Variants in ZFR2 observed in about 807,000 individuals in gnomAD.
ZFR2 encodes the protein zinc finger RNA binding protein 2.
Under a neutral mutation model 105.7 loss-of-function variants are expected in ZFR2, and 104 were observed. That is an observed-to-expected ratio of 0.98 (90% confidence interval 0.84 to 1.16). The LOEUF is 1.16. ZFR2 is among the 50% of genes most tolerant of loss of function. The pLI is 0.00. For synonymous variants in ZFR2, 634 were observed against 597.7 expected (o/e 1.06, Z -0.89); for missense variants, 1,425 against 1,355.5 (o/e 1.05, Z -0.80).
intron 11 of ZFR2, among the ~76,000 whole-genome samples, chr19:3,819,851 T>TAAAAAGAAAAAAAA (rs1568420236): frequency 1.7e-5 from 1 of 58,170 alleles, no homozygotes; most frequent in Non-Finnish European, 3.8e-5. Flanking sequence ...AGACTCTGTC[T>TAAAAAGAAAAAAAA]CAAAAAAAAA....
At chr19:3,832,836 A>T (rs1477751860) in intron 3 of ZFR2, among the ~76,000 whole-genome samples, 1 of 151,014 alleles carries the variant, frequency 6.6e-6, no homozygotes, top group Non-Finnish European at 1.5e-5. Context: ...CGGGGGTCTT[A>T]CTATGTTGCC....
intron 14 of ZFR2, among the ~76,000 whole-genome samples, chr19:3,812,157 T>C (rs1432144880): frequency 6.6e-6 from 1 of 152,098 alleles, no homozygotes; most frequent in Non-Finnish European, 1.5e-5. Flanking sequence ...TTGGCCAGGC[T>C]GATCTCGAAC....
chr19:3,858,466 A>G lies in ZFR2; in HGVS notation c.53+10499T>C, dbSNP rs1430739347. 6.6e-6 allele frequency among the ~76,000 whole-genome samples: 1 copy of G among 152,256 alleles called. No individual in the cohort carries two copies. ...CATTTAGAGTCCAAGGAAAAACTCAAGTGGAAATAAAGATTTTCCTGGAAT... is the reference window on the plus strand; with the variant it reads ...CATTTAGAGTCCAAGGAAAAACTCAGGTGGAAATAAAGATTTTCCTGGAAT... On this transcript the variant is annotated intron_variant, in intron 1 of 18. Coordinates refer to ENST00000262961, the MANE Select transcript of ZFR2 (RefSeq NM_015174.2). This position sits in a 1 kb window ranked among gnomAD's most constrained non-coding sequence, Gnocchi z 4.3.
At chr19:3,807,098 TCGGGGAACACTGCACAGCTGCAAGCC>T in intron 18 of ZFR2, 48 bp downstream of exon 18, 2 of 1,168,658 alleles carry the variant, frequency 1.7e-6, no homozygotes, top group Non-Finnish European at 2.4e-6. Flanking sequence ...CCAGGCCATT[TCGGGGAACACTGCACAGCTGCAAGCC>T]GGAGCTGGGG....
At chr19:3,809,668 G>A (rs747734956) in intron 16 of ZFR2, among the ~76,000 whole-genome samples, 10 of 152,216 alleles carry the variant, frequency 6.6e-5, no homozygotes, top group Non-Finnish European at 1.5e-4. Context: ...GAAAGGTCCG[G>A]CGCGGTGGCT....
intron 15 of ZFR2, 96 bp downstream of exon 15, chr19:3,811,176 C>A: frequency 2.4e-6 from 3 of 1,247,710 alleles, no homozygotes; most frequent in Non-Finnish European, 3.2e-6. Flanking sequence ...TGGGAGCCCA[C>A]GGGGCTGAGG....
chr19:3,839,880 C>T (rs57595172), intron 1 of ZFR2, among the ~76,000 whole-genome samples: 10,337 of 152,112 alleles, frequency 0.068, 487 homozygotes, highest in South Asian at 0.15. Flanking sequence ...AGACGGGGCT[C>T]GCTTTGTTGC....
rs59488917 is a variant in ZFR2, at chr19:3,808,823, C to T, written c.2545+49G>A. ...CTGTGCCATGGCCACGGGCCCTGGTCTCTGCGATTTGCCGCCCACCTCCTG... is the reference window on the plus strand; with the variant it reads ...CTGTGCCATGGCCACGGGCCCTGGTTTCTGCGATTTGCCGCCCACCTCCTG... On this transcript the variant is annotated intron_variant, in intron 17 of 18. Transcript: ENST00000262961. The T allele has an allele frequency of 2.7e-3, 3,938 of 1,465,284 alleles. 92 individuals carry two copies. The African/African-American group carries it at 0.048, about 18-fold the overall frequency. 90.8% of individuals were successfully genotyped at this position (1,465,284 alleles called of 1,614,324 possible).
rs554807405 is a variant in ZFR2, at chr19:3,830,117, T to C, written c.852+1186A>G. 1.1e-4 allele frequency among the ~76,000 whole-genome samples: 17 copies of C among 151,242 alleles called. No homozygotes were observed. The East Asian group carries it at 3.3e-3, about 30-fold the overall frequency. ...GAGTTCGAGACCAGCCTGGGCAACA[T>C]AGTGAGACCCTGTATCTACAAAAAA... On this transcript the variant is annotated intron_variant, in intron 5 of 18. Coordinates refer to ENST00000262961, the MANE Select transcript of ZFR2 (RefSeq NM_015174.2).
At chr19:3,825,534 CT>C in intron 6 of ZFR2, 127 bp from the exon 7 acceptor site, 2 of 1,221,056 alleles carry the variant, frequency 1.6e-6, no homozygotes. Context: ...AGGGACCCCC[CT>C]CTCTTCTCTC....
At chr19:3,845,272 T>G (rs1471516370) in intron 1 of ZFR2, among the ~76,000 whole-genome samples, 1 of 152,120 alleles carries the variant, frequency 6.6e-6, no homozygotes, top group Non-Finnish European at 1.5e-5. Context: ...AACTGCACCC[T>G]AGACTGGGCA....
chr19:3,855,633 G>C (rs549373292), intron 1 of ZFR2: 3 of 417,204 alleles, frequency 7.2e-6, no homozygotes, highest in East Asian at 3.6e-5. Flanking sequence ...ATGCCGCCGG[G>C]AAGGACGCGG....
intron 13 of ZFR2, among the ~76,000 whole-genome samples, chr19:3,815,340 T>C (rs963502956): frequency 1.3e-5 from 2 of 152,228 alleles, no homozygotes; most frequent in Non-Finnish European, 2.9e-5. Flanking sequence ...TCCACCTGCC[T>C]TGGCCTCCCA....
rs188960371 is a variant in ZFR2 at position 3,847,262 on chromosome 19, A to C, written c.54-12279T>G. 9.2e-5 allele frequency among the ~76,000 whole-genome samples: 14 copies of C among 152,252 alleles called. No homozygotes were observed. In the East Asian group the frequency reaches 1.7e-3, roughly 19 times the overall value. ...AGCCGGGGGCAGGGGGGTGGCTCAC[A>C]CCTGTAATCCCAACTACTCGGGAGG... On this transcript the variant is annotated intron_variant, in intron 1 of 18. Transcript: ENST00000262961.
intron 3 of ZFR2, 89 bp downstream of exon 3, chr19:3,833,575 A>G (rs1402285783): frequency 8.4e-5 from 1 of 11,884 alleles, no homozygotes; most frequent in Non-Finnish European, 1.0e-4. Context: ...GACTCTGTCT[A>G]AAAAAAAAAA....
At chr19:3,818,521 G>A (rs1335470138) in intron 12 of ZFR2, among the ~76,000 whole-genome samples, 1 of 152,132 alleles carries the variant, frequency 6.6e-6, no homozygotes, top group Non-Finnish European at 1.5e-5. Flanking sequence ...GCCAGAGCAG[G>A]AAAGGACTTT....
chr19:3,819,085 C>T lies in ZFR2; in HGVS notation c.1891G>A (p.Glu631Lys). The T allele has an allele frequency of 6.2e-7, 1 of 1,612,402 alleles. No individual in the cohort carries two copies. The highest frequency in any genetic ancestry group is 8.5e-7 in the Non-Finnish European group (1 of 1,179,792). The stretch of plus-strand genomic sequence containing the variant: ...TCTTCCTCTCGGCGGCCCCGGTCCT[C>T]CTCGGCCAGTGTGTCGGACACCAGC... Reference protein sequence around the residue: ...LKLVSDTLAEEDRGRREEEGD... With the variant: ...LKLVSDTLAEKDRGRREEEGD... Residue 631 changes from glutamate (E) to lysine (K), a missense_variant, in exon 12 of 19, where the codon GAG becomes AAG. By Grantham distance (56) the Glu-to-Lys change is moderately conservative. Coordinates refer to ENST00000262961, the MANE Select transcript of ZFR2 (RefSeq NM_015174.2).
At chr19:3,806,262 C>G in intron 18 of ZFR2, 137 bp from the exon 19 acceptor site, 4 of 988,152 alleles carry the variant, frequency 4.0e-6, no homozygotes, top group Non-Finnish European at 5.4e-6. Flanking sequence ...GCCCCCGGCC[C>G]CCCGCCGCTT....
rs564688766 is a variant in ZFR2, at chr19:3,816,103, G to A, written c.2103+571C>T. Among the ~76,000 whole-genome samples, 15 of 151,732 alleles carry A rather than the reference G, an allele frequency of 9.9e-5. 1 individual carries two copies. In the South Asian group the frequency reaches 2.3e-3, roughly 23 times the overall value. On this transcript the variant is annotated intron_variant, in intron 13 of 18. Coordinates refer to ENST00000262961, the MANE Select transcript of ZFR2 (RefSeq NM_015174.2). ...TTTTGCAGATACAGGTTCTCACTAT[G>A]TTGCCCAGGCTGGTCTCAAACTCCT...
Sources: allele counts gnomAD v4.1 joint callset (sites outside exome capture counted in the v4.1 genomes callset), GRCh38; gene constraint gnomAD v4.1.1; non-coding constraint Gnocchi (gnomAD v3.1); transcripts MANE v1.5; gene names NCBI Gene and HGNC (gene_info 2026-07-23, HGNC 2026-07-21).